Variants in IL5 observed in about 807,000 individuals in gnomAD.
IL5 encodes the protein interleukin 5.
Under a neutral mutation model 16.3 loss-of-function variants are expected in IL5, and 12 were observed. The ratio of observed to expected loss-of-function variants is 0.74; its 90% confidence interval spans 0.47 to 1.20. The LOEUF is 1.20. Ranked by LOEUF, IL5 falls within the 50% of genes most tolerant of loss-of-function variation. IL5 has a pLI of 0.00. For synonymous variants in IL5, 54 were observed against 56.6 expected (o/e 0.95, Z 0.21); for missense variants, 159 against 153.9 (o/e 1.03, Z -0.17).
At chr5:132,556,796 C>G in exon 1 of IL5, 1 of 1,205,324 alleles carries the variant, frequency 8.3e-7, no homozygotes, top group Non-Finnish European at 1.1e-6. Context: ...CAGTGCCTCT[C>G]CAGGCTGCCC....
rs1749688935 is a variant in IL5 at position 132,541,519 on chromosome 5, A to T, written c.*292T>A. On this transcript the variant is annotated 3_prime_UTR_variant, in exon 4 of 4. Coordinates refer to ENST00000231454, the MANE Select transcript of IL5 (RefSeq NM_000879.3). ...ATACTAATTTACCAAATTCTTAACC[A>T]TTTCATAAATACTATTAAGTTAACA... 1 of 293,724 alleles carries T rather than the reference A, an allele frequency of 3.4e-6. No homozygotes were observed. The highest frequency in any genetic ancestry group is 6.3e-6 in the Non-Finnish European group (1 of 158,722). The allele number at this position is 293,724 out of a possible 1,614,324, so 18.2% of individuals were successfully genotyped here. A position where few individuals can be genotyped will look rare whatever the true frequency, so the allele number is the denominator to read the frequency against.
chr5:132,550,067 A>T (rs1011105248), intron 1 of IL5, among the ~76,000 whole-genome samples: 2 of 152,098 alleles, frequency 1.3e-5, no homozygotes, highest in Non-Finnish European at 2.9e-5. Context: ...ACATATCTAT[A>T]CAATTTCCTA....
Position 132,541,872 on chromosome 5 carries a change from A to T in IL5, c.344T>A (p.Phe115Tyr). The T allele has an allele frequency of 4.3e-6, 7 of 1,613,964 alleles. No individual in the cohort carries two copies. The highest frequency in any genetic ancestry group is 5.9e-6 in the Non-Finnish European group (7 of 1,179,876). ...AAGAAACTCTTGCAGGTAGTCTAGG[A>T]ATTGGTTTACTCTCCGTCTTTCTTC... is the stretch of plus-strand genomic sequence containing the variant. ...CGEERRRVNQ[F>Y]LDYLQEFLGV... is the part of the protein sequence containing the mutation. The change falls in exon 4 of 4, where the codon TTC becomes TAC. Residue 115 changes from phenylalanine to tyrosine, a missense_variant. By Grantham distance (22) the Phe-to-Tyr change is conservative. Transcript: ENST00000231454.
upstream of IL5, among the ~76,000 whole-genome samples, chr5:132,545,934 C>CA (rs1219591409): frequency 1.3e-5 from 2 of 151,404 alleles, no homozygotes; most frequent in African/African-American, 2.4e-5. Context: ...AACAAACAAA[C>CA]AAAAAAACAA....
At chr5:132,555,807 G>A (rs759083246) in intron 1 of IL5, among the ~76,000 whole-genome samples, 5 of 152,182 alleles carry the variant, frequency 3.3e-5, no homozygotes, top group Non-Finnish European at 5.9e-5. Context: ...GAGCCACCGC[G>A]CCTGGCCAAG....
chr5:132,551,787 TTGA>T (rs1472794143), intron 1 of IL5, among the ~76,000 whole-genome samples: 6 of 152,242 alleles, frequency 3.9e-5, no homozygotes, highest in Non-Finnish European at 5.9e-5. Flanking sequence ...ATTTATAAGT[TTGA>T]TGATATTTTT....
intron 1 of IL5, among the ~76,000 whole-genome samples, chr5:132,550,545 A>G (rs1249280826): frequency 3.3e-5 from 5 of 152,090 alleles, no homozygotes. Context: ...GATGGTCTTG[A>G]TCTGTTGACG....
At chr5:132,556,222 G>T (rs988490900) in intron 1 of IL5, 1 of 152,122 alleles carries the variant, frequency 6.6e-6, no homozygotes, top group Non-Finnish European at 1.5e-5. Context: ...TTTTATGTAT[G>T]TTTCTCTAGG....
At chr5:132,548,925 A>G (rs1249670701) in intron 1 of IL5, among the ~76,000 whole-genome samples, 1 of 152,210 alleles carries the variant, frequency 6.6e-6, no homozygotes, top group East Asian at 1.9e-4. Context: ...TGCCATAGGA[A>G]TGTAAGCTTT....
At chr5:132,544,318 G>A (rs1749750277), upstream of IL5, among the ~76,000 whole-genome samples, 1 of 152,098 alleles carries the variant, frequency 6.6e-6, no homozygotes, top group African/African-American at 2.4e-5. Flanking sequence ...TTCTGACAAG[G>A]GTCACATGTT....
chr5:132,543,560 C>T, upstream of IL5: 3 of 1,389,212 alleles, frequency 2.2e-6, no homozygotes, highest in Non-Finnish European at 2.9e-6. Flanking sequence ...TATTGTCTGT[C>T]TTTGAGGAAA....
Position 132,543,200 on chromosome 5 carries a change from T to C in IL5, c.145-74A>G. On this transcript the variant is annotated intron_variant, in intron 1 of 3. Transcript: ENST00000231454. ...TAACTTTTAACAGAATGTTTGCTGG[T>C]GATGTAGTTATCACCCATGTACTAA... 2.7e-6 allele frequency: 4 copies of C among 1,474,898 alleles called. No homozygotes were observed. The South Asian group carries it at 3.5e-5, about 13-fold the overall frequency. 91.4% of individuals were successfully genotyped at this position (1,474,898 alleles called of 1,614,324 possible).
chr5:132,544,616 C>A (rs147021789), upstream of IL5, among the ~76,000 whole-genome samples: 5 of 152,308 alleles, frequency 3.3e-5, no homozygotes, highest in African/African-American at 1.2e-4. Context: ...CCTGTAATCC[C>A]AGAAAGGTAC....
intron 1 of IL5, among the ~76,000 whole-genome samples, chr5:132,549,535 CAATT>C (rs961288029): frequency 1.3e-5 from 2 of 152,146 alleles, no homozygotes; most frequent in Non-Finnish European, 2.9e-5. Flanking sequence ...AAGAAATAAA[CAATT>C]AGTACTTTGA....
chr5:132,549,281 C>G (rs996960495), intron 1 of IL5, among the ~76,000 whole-genome samples: 15 of 152,298 alleles, frequency 9.8e-5, no homozygotes, highest in African/African-American at 3.4e-4. Flanking sequence ...GTCTCAAACT[C>G]CTGACCTCGT....
At chr5:132,554,139 G>C (rs1052864220) in intron 1 of IL5, among the ~76,000 whole-genome samples, 1 of 151,670 alleles carries the variant, frequency 6.6e-6, no homozygotes, top group East Asian at 1.9e-4. Context: ...AGGCCGAGGC[G>C]GGTGGATCAC....
rs891224022 is a variant in IL5, at chr5:132,552,010, C to T, written c.42+4664G>A. Among the ~76,000 whole-genome samples, 9 of 152,176 alleles carry T rather than the reference C, an allele frequency of 5.9e-5. 1 individual carries two copies. The South Asian group carries it at 1.9e-3, about 32-fold the overall frequency. ...AAAGAGGTTCTCAGGCTGGGCGCAGCGGCTCAAGCCTGTAATCCCAGCACT... is the reference window on the plus strand; with the variant it reads ...AAAGAGGTTCTCAGGCTGGGCGCAGTGGCTCAAGCCTGTAATCCCAGCACT... On this transcript the variant is annotated intron_variant, in intron 1 of 2. Transcript: ENST00000450655.
intron 1 of IL5, among the ~76,000 whole-genome samples, chr5:132,548,766 C>G (rs1181678046): frequency 6.6e-6 from 1 of 152,198 alleles, no homozygotes; most frequent in Non-Finnish European, 1.5e-5. Context: ...CATCTTCAAC[C>G]TTCAACTGGA....
chr5:132,553,738 C>T (rs111693959), intron 1 of IL5, among the ~76,000 whole-genome samples: 1,737 of 151,648 alleles, frequency 0.011, 38 homozygotes, highest in African/African-American at 0.04. Flanking sequence ...GGATAGAGAC[C>T]ATCCTGGCTA....
Sources: allele counts gnomAD v4.1 joint callset (sites outside exome capture counted in the v4.1 genomes callset), GRCh38; gene constraint gnomAD v4.1.1; transcripts MANE v1.5; gene names NCBI Gene and HGNC (gene_info 2026-07-23, HGNC 2026-07-21).